The following CACNA1I variants were observed in gnomAD, a reference collection of about 807,000 sequenced individuals.
CACNA1I encodes the protein voltage-dependent T-type calcium channel subunit alpha-1I.
A neutral mutation model predicts 201.6 loss-of-function variants in CACNA1I; 74 were observed. The observed-to-expected ratio is 0.37, with a 90% CI of 0.30 to 0.45. The LOEUF is 0.45. Among genes scored for constraint, CACNA1I ranks in the 20% least tolerant of loss-of-function variants. CACNA1I has a pLI of 1.00. For missense variants in CACNA1I, 2,346 were observed against 3,138.1 expected, an observed-to-expected ratio of 0.75 and a Z score of 6.03; for synonymous variants, 1,431 against 1,345.2, an observed-to-expected ratio of 1.06 and a Z score of -1.40.
chr22:39,629,068 C>T lies in CACNA1I; in HGVS notation c.581-5497C>T, dbSNP rs914977543. Among the ~76,000 whole-genome samples the T allele has an allele frequency of 1.3e-5, 2 of 152,090 alleles. No individual in the cohort carries two copies. Among genetic ancestry groups the T allele is most frequent in the Non-Finnish European group, 2.9e-5 (2 of 67,994 alleles). On this transcript the variant is annotated intron_variant, in intron 4 of 36. Transcript: ENST00000402142. This position sits in a 1 kb window ranked among gnomAD's most constrained non-coding sequence, Gnocchi z 4.8. Reference sequence around the variant, plus strand: ...GGGGCTGCCTCTGCCTGGCTGCTGCCCAGGTTCTCTCAAGCAGAGGCTCTA... The same window carrying T: ...GGGGCTGCCTCTGCCTGGCTGCTGCTCAGGTTCTCTCAAGCAGAGGCTCTA...
At chr22:39,620,234 C>A (rs1160192838) in intron 4 of CACNA1I, among the ~76,000 whole-genome samples, 1 of 144,512 alleles carries the variant, frequency 6.9e-6, no homozygotes, top group African/African-American at 2.7e-5. Flanking sequence ...CACCCATCCA[C>A]CTGTCCATCC....
At chr22:39,622,333 T>G (rs1204775658) in intron 4 of CACNA1I, among the ~76,000 whole-genome samples, 1 of 142,246 alleles carries the variant, frequency 7.0e-6, no homozygotes, top group Admixed American at 7.1e-5. Flanking sequence ...GAGAAGGGGA[T>G]GTCTGAGTTG....
chr22:39,635,938 C>A (rs979712070), intron 5 of CACNA1I, among the ~76,000 whole-genome samples: 47 of 151,970 alleles, frequency 3.1e-4, no homozygotes, highest in African/African-American at 1.1e-3. Flanking sequence ...CTTCTTGACT[C>A]ATCTCTCTGA....
intron 3 of CACNA1I, among the ~76,000 whole-genome samples, chr22:39,614,994 G>C (rs767925984): frequency 6.6e-6 from 1 of 152,232 alleles, no homozygotes; most frequent in Non-Finnish European, 1.5e-5. Flanking sequence ...GCGTGAGAAA[G>C]TAACTGTGTA....
rs146988529 is a variant in CACNA1I at position 39,667,384 on chromosome 22, G to A, written c.4105-908G>A. Among the ~76,000 whole-genome samples the A allele has an allele frequency of 1.3e-4, 20 of 152,320 alleles. No homozygotes were observed. In the East Asian group the frequency reaches 3.9e-3, roughly 29 times the overall value. ...ACTCATTCCAGAACCCCATGCCCTG[G>A]CCCACAGTGGCAGGAGCGCAGAGGG... On this transcript the variant is annotated intron_variant, in intron 23 of 36. Coordinates refer to ENST00000402142, the MANE Select transcript of CACNA1I (RefSeq NM_021096.4).
chr22:39,664,726 AC>A lies in CACNA1I; in HGVS notation c.3667-8del. 1 of 455,492 alleles carries A rather than the reference AC, an allele frequency of 2.2e-6. No individual in the cohort carries two copies. Among genetic ancestry groups the A allele is most frequent in the Non-Finnish European group, 3.1e-6 (1 of 320,004 alleles). The allele number at this position is 455,492 out of a possible 1,614,324, so 28.2% of individuals were successfully genotyped here. A position where few individuals can be genotyped will look rare whatever the true frequency, so the allele number is the denominator to read the frequency against. ...CCCGCGGCAGCCTGACCCCGGCCCC[AC>A]CCCCGCCCCAGGTAGTCTCGCTGGG... On this transcript the variant is annotated splice_polypyrimidine_tract_variant and intron_variant, in intron 20 of 36. Coordinates refer to ENST00000402142, the MANE Select transcript of CACNA1I (RefSeq NM_021096.4).
chr22:39,594,400 T>C (rs1381625765), intron 1 of CACNA1I, among the ~76,000 whole-genome samples: 1 of 152,138 alleles, frequency 6.6e-6, no homozygotes, highest in Non-Finnish European at 1.5e-5. Context: ...GGATGTTCTT[T>C]GGTAATTAGA....
At chr22:39,630,145 G>A (rs550883154) in intron 4 of CACNA1I, among the ~76,000 whole-genome samples, 6 of 151,992 alleles carry the variant, frequency 3.9e-5, no homozygotes, top group Non-Finnish European at 7.4e-5. Flanking sequence ...CCCCTCAGCT[G>A]ACTCTGCCAC....
intron 10 of CACNA1I, 128 bp from the exon 11 acceptor site, chr22:39,658,024 G>A (rs1934880604): frequency 1.1e-6 from 1 of 918,274 alleles, no homozygotes. Context: ...ATGGGGCAGT[G>A]GGGAGACGGA....
rs765609876 is a variant in CACNA1I, at chr22:39,662,048, G to A, written c.2985G>A (p.Lys995=). The A allele has an allele frequency of 1.3e-6, 2 of 1,562,700 alleles. No individual in the cohort carries two copies. The highest frequency in any genetic ancestry group is 1.2e-5 in the South Asian group (1 of 85,586). ...ASRRSSWNSL[K]HKPPSAEHES... Reference sequence around the variant, plus strand: ...GTCGCTCCAGCTGGAACAGCCTCAAGCACAAGCCGCCGTCGGCGGAGCATG... The same window carrying A: ...GTCGCTCCAGCTGGAACAGCCTCAAACACAAGCCGCCGTCGGCGGAGCATG... Residue 995 remains lysine (K), a synonymous_variant, in exon 17 of 37, where the codon AAG becomes AAA. Coordinates refer to ENST00000402142, the MANE Select transcript of CACNA1I (RefSeq NM_021096.4).
chr22:39,664,648 C>T (rs1409498594), intron 20 of CACNA1I, 91 bp from the exon 21 acceptor site: 4 of 500,944 alleles, frequency 8.0e-6, no homozygotes, highest in African/African-American at 7.9e-5. Flanking sequence ...GATCAGGCCT[C>T]GCCCCGCCCC....
chr22:39,619,984 CATCT>C (rs1252055701), intron 4 of CACNA1I, among the ~76,000 whole-genome samples: 14 of 149,826 alleles, frequency 9.3e-5, no homozygotes, highest in East Asian at 1.9e-4. Flanking sequence ...TCCATCCATC[CATCT>C]ACCTGTCCAC....
chr22:39,619,283 C>T (rs1405274927), intron 3 of CACNA1I, 27 bp from the exon 4 acceptor site: 1 of 1,565,920 alleles, frequency 6.4e-7, no homozygotes, highest in Non-Finnish European at 8.7e-7. Context: ...CCAGCACCAT[C>T]CCTCACTCTC....
chr22:39,653,130 G>A (rs924647230), intron 10 of CACNA1I, among the ~76,000 whole-genome samples: 10 of 98,328 alleles, frequency 1.0e-4, no homozygotes, highest in South Asian at 2.4e-4. Context: ...GTGGGTGCAC[G>A]GAGCCCCCCA....
chr22:39,663,964 G>A (rs1935103927), intron 19 of CACNA1I, 123 bp downstream of exon 19: 6 of 1,523,754 alleles, frequency 3.9e-6, no homozygotes, highest in Non-Finnish European at 3.6e-6. Flanking sequence ...CCTTTGGGGC[G>A]GGGAAAGCCT....
At chr22:39,660,203 A>C in intron 14 of CACNA1I, 141 bp from the exon 15 acceptor site, 1 of 637,856 alleles carries the variant, frequency 1.6e-6, no homozygotes. Flanking sequence ...GGTTCTTGTT[A>C]GCATCTCATT....
chr22:39,644,285 T>C (rs1296573786), intron 7 of CACNA1I, among the ~76,000 whole-genome samples: 1 of 151,894 alleles, frequency 6.6e-6, no homozygotes, highest in Non-Finnish European at 1.5e-5. Flanking sequence ...TGGCTAAGGG[T>C]ACAGTTGGGG....
rs1281405396 is a variant in CACNA1I, at chr22:39,658,275, A to G, written c.2116A>G (p.Ile706Val). 1.9e-6 allele frequency: 3 copies of G among 1,613,536 alleles called. No homozygotes were observed. Among genetic ancestry groups the G allele is most frequent in the Non-Finnish European group, 2.5e-6 (3 of 1,179,838 alleles). The change falls in exon 11 of 37, where the codon ATC (isoleucine) becomes GTC (valine). Residue 706 changes from isoleucine (I) to valine (V), a missense_variant. Physicochemically the swap from Ile to Val is conservative, Grantham distance 29 (BLOSUM62 3). This residue lies in a region of CACNA1I where 155 missense variants were observed against 300.8 expected (regional missense o/e 0.52). Transcript: ENST00000402142. ...LFDYLRNPYN[I>V]FDSIIVIISI... ...CGACTACCTGCGTAACCCCTACAAC[A>G]TCTTCGACAGCATCATTGTCATCAT...
chr22:39,677,456 C>A lies in CACNA1I; in HGVS notation c.4933+37C>A, dbSNP rs763655875. 2 of 1,424,478 alleles carry A rather than the reference C, an allele frequency of 1.4e-6. No individual in the cohort carries two copies. Among genetic ancestry groups the A allele is most frequent in the Non-Finnish European group, 1.9e-6 (2 of 1,058,586 alleles). 88.2% of individuals were successfully genotyped at this position (1,424,478 alleles called of 1,614,324 possible). A position where few individuals can be genotyped will look rare whatever the true frequency, so the allele number is the denominator to read the frequency against. ...CCAGAGCAGGCCCGTGGTGGGGGTG[C>A]AGCAGGGCTGCAGGAGGAACTGGGG... is the stretch of plus-strand genomic sequence containing the variant. On this transcript the variant is annotated intron_variant, in intron 30 of 36. Coordinates refer to ENST00000402142, the MANE Select transcript of CACNA1I (RefSeq NM_021096.4). The surrounding 1 kb of genome is among the most constrained non-coding windows in gnomAD (Gnocchi z 4.8).
Sources: gnomAD v4.1 joint callset for allele counts (sites outside exome capture counted in the v4.1 genomes callset) on GRCh38, gnomAD v4.1.1 for gene constraint, gnomAD v4.1.1 regional missense constraint, Gnocchi (gnomAD v3.1) non-coding constraint, MANE v1.5 for transcripts, NCBI Gene and HGNC (gene_info 2026-07-23, HGNC 2026-07-21) for gene names.